Variants in CSMD1 observed in about 807,000 individuals in gnomAD.
CSMD1 encodes CUB and sushi domain-containing protein 1.
Under a neutral mutation model 417.5 loss-of-function variants are expected in CSMD1, and 213 were observed. The ratio of observed to expected loss-of-function variants is 0.51; its 90% CI spans 0.46 to 0.57. The LOEUF (loss-of-function observed/expected upper bound fraction) is 0.57, where lower values mean the gene tolerates loss of function less well. CSMD1 is among the 20% of genes least tolerant of loss of function. The probability of loss-of-function intolerance (pLI) is 0.00; values close to 1 mark genes in which losing one functional copy is unlikely to be tolerated. For synonymous variants in CSMD1, 2,862 were observed against 1,736.8 expected, an observed-to-expected ratio of 1.65 and a Z score of -16.11; for missense variants, 6,923 against 4,529.7, an observed-to-expected ratio of 1.53 and a Z score of -15.17.
intron 25 of CSMD1, among the ~76,000 whole-genome samples, chr8:3,292,970 G>T (rs1012608479): frequency 6.6e-6 from 1 of 152,038 alleles, no homozygotes; most frequent in African/African-American, 2.4e-5. Flanking sequence ...GGTACCGGTT[G>T]TTCCTTTCCA....
chr8:3,767,920 T>A (rs1157231475), intron 5 of CSMD1, among the ~76,000 whole-genome samples: 1 of 152,164 alleles, frequency 6.6e-6, no homozygotes, highest in Admixed American at 6.6e-5. Context: ...CTTCTTAGCT[T>A]TTTTCCACTT....
chr8:4,008,852 C>T (rs962694349), intron 4 of CSMD1, among the ~76,000 whole-genome samples: 3 of 152,014 alleles, frequency 2.0e-5, no homozygotes, highest in East Asian at 1.9e-4. Flanking sequence ...CCTCCTGATC[C>T]GTCCGCCTCG....
rs554392860 is a variant in CSMD1 at position 3,662,706 on chromosome 8, G to T, written c.1009+45708C>A. 2.6e-5 allele frequency among the ~76,000 whole-genome samples: 4 copies of T among 152,202 alleles called. 1 individual carries two copies. The highest frequency in any genetic ancestry group is 9.6e-5 in the African/African-American group (4 of 41,520). Reference sequence around the variant, plus strand: ...CCTTTGCAGGGACATGGATGAAGCTGGAAGCCATCATTCTCAGCAAACTGA... The same window carrying T: ...CCTTTGCAGGGACATGGATGAAGCTTGAAGCCATCATTCTCAGCAAACTGA... On this transcript the variant is annotated intron_variant, in intron 7 of 69. Transcript: ENST00000635120.
chr8:4,715,629 T>G (rs982598212), intron 1 of CSMD1, among the ~76,000 whole-genome samples: 1 of 152,136 alleles, frequency 6.6e-6, no homozygotes, highest in African/African-American at 2.4e-5. Context: ...ATCTCCTGAT[T>G]TTTCCCTTCA....
chr8:3,650,010 G>A (rs1314091654), intron 7 of CSMD1, among the ~76,000 whole-genome samples: 4 of 152,204 alleles, frequency 2.6e-5, no homozygotes, highest in Non-Finnish European at 5.9e-5. Flanking sequence ...TGGGCCTGGT[G>A]GCTCATGCCT....
chr8:3,793,936 C>T (rs1296752831), intron 5 of CSMD1, among the ~76,000 whole-genome samples: 1 of 152,138 alleles, frequency 6.6e-6, no homozygotes, highest in Non-Finnish European at 1.5e-5. Flanking sequence ...ATACTCTCCC[C>T]CAGAGCTGGG....
chr8:4,115,209 G>C (rs1043071076), intron 3 of CSMD1, among the ~76,000 whole-genome samples: 12 of 152,216 alleles, frequency 7.9e-5, no homozygotes, highest in Non-Finnish European at 1.3e-4. Context: ...ATCTTGGTAA[G>C]TCAGCAGCCA....
intron 1 of CSMD1, among the ~76,000 whole-genome samples, chr8:4,666,989 T>C (rs1299402240): frequency 6.6e-6 from 1 of 152,206 alleles, no homozygotes; most frequent in Non-Finnish European, 1.5e-5. Flanking sequence ...TTAGTTTATA[T>C]ATGTAAGAAT....
chr8:3,664,063 G>C (rs959698724), intron 7 of CSMD1, among the ~76,000 whole-genome samples: 2 of 152,076 alleles, frequency 1.3e-5, no homozygotes, highest in South Asian at 2.1e-4. Flanking sequence ...TTAAGTTCTA[G>C]GGTACATGTG....
At chr8:4,044,379 AT>A (rs1362277801) in intron 3 of CSMD1, among the ~76,000 whole-genome samples, 2 of 152,216 alleles carry the variant, frequency 1.3e-5, no homozygotes, top group African/African-American at 2.4e-5. Flanking sequence ...CCTTGTCTTA[AT>A]AAGCTAAAGG....
intron 5 of CSMD1, among the ~76,000 whole-genome samples, chr8:3,987,141 C>G (rs1239279178): frequency 6.6e-6 from 1 of 152,202 alleles, no homozygotes; most frequent in East Asian, 1.9e-4. Context: ...CACACAGCGT[C>G]TATCCGAGTT....
At chr8:3,658,285 G>C (rs1005095912) in intron 7 of CSMD1, among the ~76,000 whole-genome samples, 25 of 151,852 alleles carry the variant, frequency 1.6e-4, no homozygotes, top group African/African-American at 6.0e-4. Flanking sequence ...ATCAATGATT[G>C]TATTTGTGTA....
At chr8:3,667,999 T>G (rs1421590809) in intron 7 of CSMD1, among the ~76,000 whole-genome samples, 1 of 152,126 alleles carries the variant, frequency 6.6e-6, no homozygotes, top group Non-Finnish European at 1.5e-5. Flanking sequence ...AATATGAGTG[T>G]CTGTGCGCCT....
At chr8:4,032,748 T>A (rs560416899) in intron 3 of CSMD1, among the ~76,000 whole-genome samples, 64 of 152,294 alleles carry the variant, frequency 4.2e-4, no homozygotes, top group Non-Finnish European at 5.9e-4. Flanking sequence ...GTGCTAAGTT[T>A]TGACAACAGA....
In CSMD1 at chr8:3,346,108, A is replaced by G. The variant is rs1046973114; in HGVS notation, c.3474+1884T>C. On this transcript the variant is annotated intron_variant, in intron 22 of 69. Coordinates refer to ENST00000635120, the MANE Select transcript of CSMD1 (RefSeq NM_033225.6). ...TTTACTATAAACATTTTTAACAGAG[A>G]TATTTTTTAGCATATTTAACAAAAT... is the stretch of plus-strand genomic sequence containing the variant. Among the ~76,000 whole-genome samples, 3 of 152,170 alleles carry G rather than the reference A, an allele frequency of 2.0e-5. No homozygotes were observed. The East Asian group carries it at 5.8e-4, about 29-fold the overall frequency.
intron 5 of CSMD1, among the ~76,000 whole-genome samples, chr8:3,887,323 C>T (rs1806633967): frequency 6.6e-6 from 1 of 152,152 alleles, no homozygotes; most frequent in African/African-American, 2.4e-5. Context: ...GTGATAGTTT[C>T]TGAGACGTTT....
rs190941602 is a variant in CSMD1, at chr8:3,523,718, T to C, written c.1345-29992A>G. On this transcript the variant is annotated intron_variant, in intron 10 of 69. Coordinates refer to ENST00000635120, the MANE Select transcript of CSMD1 (RefSeq NM_033225.6). ...ATGCACACATGTGCATGCACACACA[T>C]ATGCATGCACACTCAGAGACACATG... is the stretch of plus-strand genomic sequence containing the variant. Among the ~76,000 whole-genome samples the C allele has an allele frequency of 1.9e-3, 241 of 128,534 alleles. 2 individuals carry two copies. Among genetic ancestry groups the C allele is most frequent in the Admixed American group, 3.5e-3 (45 of 12,698 alleles). The allele number at this position is 128,534 out of a possible 152,430, so 84.3% of individuals were successfully genotyped here. A position where few individuals can be genotyped will look rare whatever the true frequency, so the allele number is the denominator to read the frequency against.
chr8:4,390,880 A>G (rs905609652), intron 3 of CSMD1, among the ~76,000 whole-genome samples: 2 of 152,110 alleles, frequency 1.3e-5, no homozygotes, highest in African/African-American at 2.4e-5. Flanking sequence ...CATGTTTCAT[A>G]TGTTGTCCTT....
rs933900087 is a variant in CSMD1 at position 3,153,595 on chromosome 8, T to C, written c.5915-2082A>G. On this transcript the variant is annotated intron_variant, in intron 39 of 69. Transcript: ENST00000635120. The stretch of plus-strand genomic sequence containing the variant: ...AAATGTGGTATTACTAAAAAGTTCC[T>C]TTTGATTTTAGCATGATTTTCACAC... 4.6e-5 allele frequency among the ~76,000 whole-genome samples: 7 copies of C among 152,222 alleles called. No individual in the cohort carries two copies. In the East Asian group the frequency reaches 1.3e-3, roughly 29 times the overall value.
Sources: gnomAD v4.1 joint callset for allele counts (sites outside exome capture counted in the v4.1 genomes callset) on GRCh38, gnomAD v4.1.1 for gene constraint, MANE v1.5 for transcripts, NCBI Gene and HGNC (gene_info 2026-07-23, HGNC 2026-07-21) for gene names.